Variants in ALKBH3 observed in about 807,000 individuals in gnomAD.
ALKBH3 encodes alkB homolog 3, alpha-ketoglutarate dependent dioxygenase.
A neutral mutation model predicts 43.9 loss-of-function variants in ALKBH3; 51 were observed. That is an observed-to-expected ratio of 1.16 (90% CI 0.93 to 1.47). The LOEUF (loss-of-function observed/expected upper bound fraction) is 1.47, where lower values mean the gene tolerates loss of function less well. Ranked by LOEUF, ALKBH3 falls within the 40% of genes most tolerant of loss-of-function variation. The pLI, the probability that ALKBH3 is intolerant of heterozygous loss-of-function variation, is 0.00. For synonymous variants in ALKBH3, 102 were observed against 115.2 expected, an observed-to-expected ratio of 0.89 and a Z score of 0.73; for missense variants, 361 against 351.9, an observed-to-expected ratio of 1.03 and a Z score of -0.21.
Position 43,882,689 on chromosome 11 carries a change from G to T in ALKBH3, c.37G>T (p.Ala13Ser), listed in dbSNP as rs1457379817. The change falls in exon 2 of 10, where the codon GCC becomes TCC. Residue 13 changes from alanine (A) to serine (S), a missense_variant. Physicochemically the swap from Ala to Ser is moderately conservative, Grantham distance 99. Coordinates refer to ENST00000302708, the MANE Select transcript of ALKBH3 (RefSeq NM_139178.4). ...EKRRRARVQG[A>S]WAAPVKSQAI... ...AAGACGGCGAGCCCGAGTTCAGGGA[G>T]CCTGGGCTGCCCCTGTTAAAAGCCA... 4.3e-6 allele frequency: 7 copies of T among 1,613,496 alleles called. No homozygotes were observed. Among genetic ancestry groups the T allele is most frequent in the Non-Finnish European group, 5.9e-6 (7 of 1,179,860 alleles).
intron 8 of ALKBH3, among the ~76,000 whole-genome samples, chr11:43,906,405 T>A (rs764903899): frequency 6.6e-6 from 1 of 152,204 alleles, no homozygotes; most frequent in Admixed American, 6.5e-5. Flanking sequence ...ATAGTGTAAA[T>A]TTAGAAGTTA....
At chr11:43,881,892 G>A (rs539598207) in intron 1 of ALKBH3, among the ~76,000 whole-genome samples, 2 of 152,298 alleles carry the variant, frequency 1.3e-5, no homozygotes, top group South Asian at 2.1e-4. Flanking sequence ...ATTTGCTGTA[G>A]GCTAAGCTTT....
intron 7 of ALKBH3, among the ~76,000 whole-genome samples, chr11:43,899,984 A>G (rs1055316749): frequency 4.7e-5 from 7 of 149,762 alleles, no homozygotes; most frequent in Non-Finnish European, 8.9e-5. Context: ...TGTGAAGCCA[A>G]TTTCCTTCAT....
intron 7 of ALKBH3, chr11:43,898,921 G>T: frequency 2.7e-6 from 2 of 747,796 alleles, no homozygotes; most frequent in Non-Finnish European, 5.0e-6. Flanking sequence ...CCAGAGGGTG[G>T]ACTGGTCCCC....
chr11:43,883,120 G>T lies in ALKBH3; in HGVS notation c.115G>T (p.Gly39Cys), dbSNP rs34762499. The T allele has an allele frequency of 3.8e-4, 608 of 1,614,086 alleles. 2 individuals are homozygous for T. In the African/African-American group the frequency reaches 7.4e-3, roughly 20 times the overall value. Residue 39 changes from glycine to cysteine, a missense_variant, in exon 3 of 10, where the codon GGC becomes TGC. By Grantham distance (159) the Gly-to-Cys change is radical (BLOSUM62 -3). Transcript: ENST00000302708. ...TAKSHLHQKPGQTWKNKEHHL... is the reference protein window; with the variant it reads ...TAKSHLHQKPCQTWKNKEHHL... ...TAAGAGCCATCTCCACCAGAAGCCT[G>T]GCCAGACCTGGAAGAACAAAGAGCA...
intron 8 of ALKBH3, among the ~76,000 whole-genome samples, chr11:43,902,881 G>C (rs1241630137): frequency 6.6e-6 from 1 of 152,228 alleles, no homozygotes; most frequent in Non-Finnish European, 1.5e-5. Flanking sequence ...ACAGGCATGA[G>C]CCACTGCACC....
At chr11:43,907,446 A>G (rs563636063) in intron 8 of ALKBH3, among the ~76,000 whole-genome samples, 1 of 152,294 alleles carries the variant, frequency 6.6e-6, no homozygotes, top group South Asian at 2.1e-4. Context: ...TTTCAGTAGG[A>G]CAAACTTGTG....
At chr11:43,913,649 A>T (rs1951959101) in intron 8 of ALKBH3, among the ~76,000 whole-genome samples, 1 of 152,216 alleles carries the variant, frequency 6.6e-6, no homozygotes, top group African/African-American at 2.4e-5. Context: ...TTGTGTCCTG[A>T]GCATCTCTCA....
chr11:43,882,106 T>TA (rs1305305840), intron 1 of ALKBH3, among the ~76,000 whole-genome samples: 2 of 152,164 alleles, frequency 1.3e-5, no homozygotes, highest in Non-Finnish European at 2.9e-5. Flanking sequence ...TAAAGACAAA[T>TA]ACCTGTATCC....
intron 9 of ALKBH3, 155 bp from the exon 10 acceptor site, chr11:43,919,763 G>A (rs1346380584): frequency 4.5e-6 from 3 of 665,482 alleles, no homozygotes; most frequent in Admixed American, 5.5e-5. Flanking sequence ...TTCAAAGAAG[G>A]GACCTTTCTC....
intron 8 of ALKBH3, among the ~76,000 whole-genome samples, chr11:43,918,292 A>G (rs1951999552): frequency 6.6e-6 from 1 of 152,230 alleles, no homozygotes; most frequent in Non-Finnish European, 1.5e-5. Context: ...TCCTGAGAAT[A>G]TTGGACATAA....
At chr11:43,888,691 G>C (rs1951762530) in intron 5 of ALKBH3, among the ~76,000 whole-genome samples, 1 of 152,080 alleles carries the variant, frequency 6.6e-6, no homozygotes, top group Admixed American at 6.6e-5. Flanking sequence ...TATTGTTTTG[G>C]TCATATCTCA....
chr11:43,898,118 C>T (rs1951832734), intron 7 of ALKBH3: 15 of 1,123,824 alleles, frequency 1.3e-5, no homozygotes, highest in Non-Finnish European at 2.0e-5. Context: ...GCACCTGAGC[C>T]CGTGGTGGGC....
Position 43,910,901 on chromosome 11 carries a change from T to G in ALKBH3, c.670-8137T>G, listed in dbSNP as rs549898999. Among the ~76,000 whole-genome samples the G allele has an allele frequency of 2.0e-5, 3 of 152,320 alleles. No homozygotes were observed. The South Asian group carries it at 6.2e-4, about 32-fold the overall frequency. On this transcript the variant is annotated intron_variant, in intron 8 of 9. Transcript: ENST00000302708. ...GTTCTTTCCTGCCTCTCTCTCACTGTCTTCTCTCATTCTCCCCTCTCCAAA... is the reference window on the plus strand; with the variant it reads ...GTTCTTTCCTGCCTCTCTCTCACTGGCTTCTCTCATTCTCCCCTCTCCAAA...
In ALKBH3 at chr11:43,882,632, G is replaced by A. The variant is rs773613793; in HGVS notation, c.-21G>A. On this transcript the variant is annotated 5_prime_UTR_variant, in exon 2 of 10. Transcript: ENST00000302708. ...GAACAAAATCTTCTGAAAGCTCGGA[G>A]CAGAAGCCTTTTTGGTCAACATGGA... is the stretch of plus-strand genomic sequence containing the variant. The A allele has an allele frequency of 1.2e-6, 2 of 1,608,226 alleles. No homozygotes were observed. The highest frequency in any genetic ancestry group is 1.7e-5 in the Admixed American group (1 of 58,346).
At chr11:43,913,850 G>A (rs745407500) in intron 8 of ALKBH3, among the ~76,000 whole-genome samples, 17 of 152,252 alleles carry the variant, frequency 1.1e-4, no homozygotes, top group Non-Finnish European at 1.9e-4. Flanking sequence ...AAATTGCCCA[G>A]TGTTTTTAAA....
rs753292873 is a variant in ALKBH3 at position 43,919,872 on chromosome 11, T to C, written c.769-46T>C. On this transcript the variant is annotated intron_variant, in intron 9 of 9. Transcript: ENST00000302708. ...GTTTTAAGTCGCTTTGAACTAAAAG[T>C]GTGTATGTGTGTATTTATGTCAGAG... is the stretch of plus-strand genomic sequence containing the variant. 3.8e-5 allele frequency: 58 copies of C among 1,520,452 alleles called. 1 individual carries two copies. In the South Asian group the frequency reaches 6.3e-4, roughly 17 times the overall value. 94.2% of individuals were successfully genotyped at this position (1,520,452 alleles called of 1,614,324 possible).
intron 3 of ALKBH3, 77 bp downstream of exon 3, chr11:43,883,265 T>C: frequency 1.0e-6 from 1 of 995,642 alleles, no homozygotes; most frequent in Non-Finnish European, 1.5e-6. Context: ...GACACTCAAA[T>C]AAATAATGAC....
chr11:43,906,123 T>A (rs10734519), intron 8 of ALKBH3, among the ~76,000 whole-genome samples: 90,673 of 152,154 alleles, frequency 0.6, 27,672 homozygotes, highest in East Asian at 0.72. Context: ...AGTTGAGCCC[T>A]CTAACCACTC....
Sources: gnomAD v4.1 joint callset for allele counts (sites outside exome capture counted in the v4.1 genomes callset) on GRCh38, gnomAD v4.1.1 for gene constraint, MANE v1.5 for transcripts, NCBI Gene and HGNC (gene_info 2026-07-23, HGNC 2026-07-21) for gene names.